SLC44A5: variants seen among roughly 807,000 people sequenced by gnomAD.
The protein encoded by SLC44A5 is solute carrier family 44 member 5.
A neutral mutation model predicts 101.8 loss-of-function variants in SLC44A5; 57 were observed. The observed-to-expected ratio is 0.56, with a 90% confidence interval of 0.45 to 0.70. The LOEUF (loss-of-function observed/expected upper bound fraction) is 0.70, where lower values mean the gene tolerates loss of function less well. Ranked by LOEUF, SLC44A5 falls within the 30% of genes least tolerant of loss-of-function variation. The probability of loss-of-function intolerance (pLI) is 0.00; values close to 1 mark genes in which losing one functional copy is unlikely to be tolerated. For missense variants in SLC44A5, 737 were observed against 853.1 expected, an observed-to-expected ratio of 0.86 and a Z score of 1.70; for synonymous variants, 281 against 290.9, an observed-to-expected ratio of 0.97 and a Z score of 0.35.
chr1:75,420,856 T>C (rs1663959437), intron 2 of SLC44A5, among the ~76,000 whole-genome samples: 1 of 152,162 alleles, frequency 6.6e-6, no homozygotes, highest in African/African-American at 2.4e-5. Context: ...AAAACGTTTA[T>C]GTCCCACAGT....
intron 3 of SLC44A5, among the ~76,000 whole-genome samples, chr1:75,385,543 C>A (rs1015576398): frequency 5.6e-4 from 85 of 152,196 alleles, no homozygotes; most frequent in African/African-American, 2.0e-3. Flanking sequence ...CAATAACAGG[C>A]TCTGAAATTG....
chr1:75,441,738 TA>T (rs763458668), intron 2 of SLC44A5, among the ~76,000 whole-genome samples: 2 of 151,478 alleles, frequency 1.3e-5, no homozygotes, highest in South Asian at 2.1e-4. Flanking sequence ...TTTTAAATGT[TA>T]AAAAATTCAA....
chr1:75,622,438 G>T, the SLC44A5 span, among the ~76,000 whole-genome samples: 1 of 151,858 alleles, frequency 6.6e-6, no homozygotes. Flanking sequence ...TAATTAATAG[G>T]GCACTTCTTT....
intron 2 of SLC44A5, among the ~76,000 whole-genome samples, chr1:75,442,125 A>G (rs1665243227): frequency 6.6e-6 from 1 of 152,154 alleles, no homozygotes; most frequent in Non-Finnish European, 1.5e-5. Context: ...CTTTGTAAGG[A>G]CAAAGTTTAA....
At chr1:75,476,518 G>A (rs562732416) in intron 2 of SLC44A5, among the ~76,000 whole-genome samples, 2 of 152,284 alleles carry the variant, frequency 1.3e-5, no homozygotes, top group African/African-American at 2.4e-5. Context: ...GGTGACAGAC[G>A]GCACCTGGAA....
At chr1:75,341,409 G>C (rs1262391925) in intron 3 of SLC44A5, among the ~76,000 whole-genome samples, 1 of 152,140 alleles carries the variant, frequency 6.6e-6, no homozygotes, top group Non-Finnish European at 1.5e-5. Context: ...TTGAACCCAG[G>C]AGGCGGACGT....
intron 2 of SLC44A5, among the ~76,000 whole-genome samples, chr1:75,533,810 T>C (rs1440966878): frequency 3.3e-5 from 5 of 152,230 alleles, no homozygotes; most frequent in Non-Finnish European, 5.9e-5. Context: ...TCTCTGTGAC[T>C]TAAGTTGACA....
At chr1:75,463,991 G>A (rs2101704509) in intron 2 of SLC44A5, among the ~76,000 whole-genome samples, 1 of 152,204 alleles carries the variant, frequency 6.6e-6, no homozygotes, top group East Asian at 1.9e-4. Flanking sequence ...GAGAGGCCAA[G>A]GCAGGAGGTT....
intron 3 of SLC44A5, among the ~76,000 whole-genome samples, chr1:75,371,680 A>G (rs889881014): frequency 6.6e-6 from 1 of 152,250 alleles, no homozygotes. Flanking sequence ...CAGCTAATCA[A>G]TAAAAGATAT....
rs569872384 is a variant in SLC44A5, at chr1:75,342,151, C to T, written c.53-2521G>A. 8.5e-5 allele frequency among the ~76,000 whole-genome samples: 13 copies of T among 152,130 alleles called. No individual in the cohort carries two copies. In the South Asian group the frequency reaches 2.3e-3, roughly 27 times the overall value. ...GACACTACCATTAGATGTGAGGAGC[C>T]AGTGAAAGAGTTTTAGGAAGAGACA... On this transcript the variant is annotated intron_variant, in intron 3 of 23. Coordinates refer to ENST00000370859, the MANE Select transcript of SLC44A5 (RefSeq NM_001130058.2).
At chr1:75,636,062 C>T in the SLC44A5 span, among the ~76,000 whole-genome samples, 1 of 152,014 alleles carries the variant, frequency 6.6e-6, no homozygotes, top group African/African-American at 2.4e-5. Context: ...TGCACCCCTG[C>T]CACACCCACC....
chr1:75,419,854 C>T (rs1163632408), intron 2 of SLC44A5, among the ~76,000 whole-genome samples: 1 of 152,044 alleles, frequency 6.6e-6, no homozygotes, highest in Non-Finnish European at 1.5e-5. Context: ...TTATACTATA[C>T]ATGGAGTGGT....
chr1:75,709,009 G>T, the SLC44A5 span, among the ~76,000 whole-genome samples: 1 of 151,942 alleles, frequency 6.6e-6, no homozygotes, highest in African/African-American at 2.4e-5. Context: ...AGCTATTTTG[G>T]CTATGTTAAA....
At chr1:75,669,029 A>C in the SLC44A5 span, among the ~76,000 whole-genome samples, 4 of 151,508 alleles carry the variant, frequency 2.6e-5, no homozygotes, top group Non-Finnish European at 5.9e-5. Context: ...AAGAAGAAGA[A>C]GAGGAAGAGG....
intron 7 of SLC44A5, among the ~76,000 whole-genome samples, chr1:75,247,704 G>A (rs150577317): frequency 3.3e-4 from 50 of 152,138 alleles, no homozygotes; most frequent in African/African-American, 1.2e-3. Context: ...TTGTGCCCTG[G>A]AAGCCAGGTG....
intron 2 of SLC44A5, among the ~76,000 whole-genome samples, chr1:75,455,449 G>T (rs1486829246): frequency 2.0e-5 from 3 of 152,006 alleles, no homozygotes; most frequent in Non-Finnish European, 4.4e-5. Context: ...CTGGACATTG[G>T]CCTTGAGATA....
chr1:75,224,999 C>T (rs1647167639), intron 13 of SLC44A5, among the ~76,000 whole-genome samples: 1 of 152,048 alleles, frequency 6.6e-6, no homozygotes, highest in Admixed American at 6.6e-5. Flanking sequence ...TTTATTGTAG[C>T]CTACATGTAC....
At chr1:75,716,735 T>C in the SLC44A5 span, among the ~76,000 whole-genome samples, 1 of 151,988 alleles carries the variant, frequency 6.6e-6, no homozygotes, top group African/African-American at 2.4e-5. Flanking sequence ...ATAGACTGGA[T>C]AAAGAAAATA....
chr1:75,609,894 T>G (rs1317838037), intron 1 of SLC44A5, among the ~76,000 whole-genome samples: 3 of 152,028 alleles, frequency 2.0e-5, no homozygotes, highest in African/African-American at 7.2e-5. Flanking sequence ...ATTTATTATA[T>G]CTTATGGTTT....
Sources: gnomAD v4.1 joint callset for allele counts (sites outside exome capture counted in the v4.1 genomes callset) on GRCh38, gnomAD v4.1.1 for gene constraint, MANE v1.5 for transcripts, NCBI Gene and HGNC (gene_info 2026-07-23, HGNC 2026-07-21) for gene names.